BCO1: variants seen among roughly 807,000 people sequenced by gnomAD.
BCO1 encodes beta-carotene oxygenase 1, also known as beta,beta-carotene 15,15'-dioxygenase.
Under a neutral mutation model 56.3 loss-of-function variants are expected in BCO1, and 54 were observed. That is an observed-to-expected ratio of 0.96 (90% CI 0.77 to 1.20). The LOEUF (loss-of-function observed/expected upper bound fraction) is 1.20. Ranked by LOEUF, BCO1 falls within the 50% of genes most tolerant of loss-of-function variation. The pLI is 0.00. For synonymous variants in BCO1, 318 were observed against 266.1 expected, an observed-to-expected ratio of 1.20 and a Z score of -1.90; for missense variants, 801 against 690.9, an observed-to-expected ratio of 1.16 and a Z score of -1.79.
chr16:81,280,812 G>T, intron 7 of BCO1, 45 bp from the exon 8 acceptor site: 2 of 1,378,158 alleles, frequency 1.5e-6, no homozygotes, highest in South Asian at 1.2e-5. Flanking sequence ...GTTTGCTCTG[G>T]ATTACACGTT....
Position 81,277,065 on chromosome 16 carries a change from CA to C in BCO1, c.1102-3773del, listed in dbSNP as rs34671497. On this transcript the variant is annotated intron_variant, in intron 7 of 10. Coordinates refer to ENST00000258168, the MANE Select transcript of BCO1 (RefSeq NM_017429.3). ...TGGATGACAGAGTGAGACTCGGTCT[CA>C]AAAAAAAAAAAAAAAAAAGTAAAAT... Among the ~76,000 whole-genome samples the C allele has an allele frequency of 6.2e-3, 591 of 95,318 alleles. 11 individuals are homozygous for C. The highest frequency in any genetic ancestry group is 0.022 in the African/African-American group (512 of 23,746). The allele number at this position is 95,318 out of a possible 152,430, so 62.5% of individuals were successfully genotyped here.
rs756349704 is a variant in BCO1, at chr16:81,264,645, T to C, written c.477T>C (p.Asp159=). 6.2e-7 allele frequency: 1 copy of C among 1,614,088 alleles called. No individual in the cohort carries two copies. The highest frequency in any genetic ancestry group is 8.5e-7 in the Non-Finnish European group (1 of 1,179,942). ...GGAGGTGTCATATCTTGCAGGTTGA[T>C]TATCGTAAATACGTGGCGGTAAATC... The part of the protein sequence containing the change: ...PQTLETLEKV[D]YRKYVAVNLA... Residue 159 remains aspartate, a synonymous_variant, in exon 5 of 11, where the codon GAT becomes GAC. Transcript: ENST00000258168.
intron 3 of BCO1, 152 bp from the exon 4 acceptor site, chr16:81,261,984 C>CACCT (rs1906513598): frequency 2.3e-6 from 2 of 853,990 alleles, no homozygotes; most frequent in East Asian, 2.5e-5. Context: ...CCTCGTGATC[C>CACCT]ACCTGCCTCG....
At chr16:81,284,920 T>C (rs1908090420) in intron 8 of BCO1, among the ~76,000 whole-genome samples, 1 of 150,108 alleles carries the variant, frequency 6.7e-6, no homozygotes. Flanking sequence ...CACTGCAACC[T>C]CTGCCTCCTG....
chr16:81,290,537 G>C lies in BCO1; in HGVS notation c.1604G>C (p.Arg535Pro), dbSNP rs199758470. The C allele has an allele frequency of 4.8e-5, 77 of 1,613,916 alleles. No individual in the cohort carries two copies. The highest frequency in any genetic ancestry group is 6.3e-5 in the Non-Finnish European group (74 of 1,180,026). ...AAGCAGGCCGCTTCTGAGGAACAGCGGGACAGGGCTTCCGACTGCCACGGG... is the reference window on the plus strand; with the variant it reads ...AAGCAGGCCGCTTCTGAGGAACAGCCGGACAGGGCTTCCGACTGCCACGGG... ...TKKQAASEEQ[R>P]DRASDCHGAP... Residue 535 changes from arginine (R) to proline (P), a missense_variant, in exon 11 of 11, where the codon CGG becomes CCG. Arg to Pro is a moderately radical substitution (Grantham distance 103). Coordinates refer to ENST00000258168, the MANE Select transcript of BCO1 (RefSeq NM_017429.3).
chr16:81,263,612 T>C (rs1303647100), intron 4 of BCO1: 4 of 152,194 alleles, frequency 2.6e-5, no homozygotes, highest in African/African-American at 9.7e-5. Context: ...CACTGAGAAT[T>C]TGAATGAATG....
chr16:81,239,835 C>A (rs1019406720), intron 1 of BCO1, among the ~76,000 whole-genome samples: 2 of 152,088 alleles, frequency 1.3e-5, no homozygotes, highest in East Asian at 3.9e-4. Flanking sequence ...TTGCCACTTT[C>A]CTGGTACCAT....
intron 5 of BCO1, among the ~76,000 whole-genome samples, chr16:81,265,948 C>A (rs7498868): frequency 0.014 from 2,153 of 152,104 alleles, 42 homozygotes; most frequent in African/African-American, 0.049. Context: ...TATTCACTCA[C>A]CATCCTTCCA....
intron 2 of BCO1, among the ~76,000 whole-genome samples, chr16:81,249,717 C>T (rs9933827): frequency 0.44 from 66,335 of 151,704 alleles, 14,866 homozygotes; most frequent in Middle Eastern, 0.53. Context: ...GTTTTATTCA[C>T]AATCTGGCAT....
At chr16:81,281,041 A>G (rs1240896794) in intron 8 of BCO1, 79 bp downstream of exon 8, 2 of 1,036,386 alleles carry the variant, frequency 1.9e-6, no homozygotes, top group Non-Finnish European at 3.0e-6. Flanking sequence ...TTACATAATA[A>G]TTCCCTCCTG....
chr16:81,240,402 A>G (rs1292066538), intron 1 of BCO1, among the ~76,000 whole-genome samples: 1 of 151,732 alleles, frequency 6.6e-6, no homozygotes, highest in Non-Finnish European at 1.5e-5. Flanking sequence ...TACATATTTT[A>G]TTTTTTAAAA....
intron 7 of BCO1, among the ~76,000 whole-genome samples, chr16:81,271,567 G>A (rs1907221553): frequency 6.6e-6 from 1 of 152,006 alleles, no homozygotes; most frequent in African/African-American, 2.4e-5. Context: ...CCCTGCCCCA[G>A]GCAACCTGTC....
chr16:81,279,138 A>G (rs2150637097), intron 7 of BCO1, among the ~76,000 whole-genome samples: 1 of 152,076 alleles, frequency 6.6e-6, no homozygotes, highest in Middle Eastern at 3.4e-3. Flanking sequence ...TTAACCAAGG[A>G]TGGTGACGCA....
chr16:81,270,692 C>CTGTGTCTGTGTGTGTG (rs1907146417), intron 7 of BCO1, among the ~76,000 whole-genome samples: 1 of 143,694 alleles, frequency 7.0e-6, no homozygotes. Flanking sequence ...CTCTCTGTGT[C>CTGTGTCTGTGTGTGTG]TGTGTGTGTG....
intron 7 of BCO1, among the ~76,000 whole-genome samples, chr16:81,277,389 T>C (rs1432789078): frequency 6.6e-6 from 1 of 152,076 alleles, no homozygotes; most frequent in Admixed American, 6.6e-5. Flanking sequence ...TTTAGAATCA[T>C]CCCCAGGACT....
intron 10 of BCO1, among the ~76,000 whole-genome samples, chr16:81,289,499 G>T (rs1434476418): frequency 6.6e-6 from 1 of 152,138 alleles, no homozygotes; most frequent in Non-Finnish European, 1.5e-5. Context: ...AAATTAGCCA[G>T]ACGTGGTGTC....
At chr16:81,249,983 T>G (rs1021547915) in intron 2 of BCO1, among the ~76,000 whole-genome samples, 2 of 152,146 alleles carry the variant, frequency 1.3e-5, no homozygotes, top group Non-Finnish European at 2.9e-5. Flanking sequence ...GATGGTACAG[T>G]GAGGCAGTCA....
intron 2 of BCO1, among the ~76,000 whole-genome samples, chr16:81,254,670 C>T (rs1906020043): frequency 6.6e-6 from 1 of 152,098 alleles, no homozygotes; most frequent in Non-Finnish European, 1.5e-5. Context: ...TGGCAATGGA[C>T]ATGGAAACAC....
chr16:81,281,107 C>G (rs1456180196), intron 8 of BCO1, 145 bp downstream of exon 8: 2 of 683,416 alleles, frequency 2.9e-6, no homozygotes, highest in Non-Finnish European at 2.6e-6. Flanking sequence ...TGAAAAGCAT[C>G]TGGGGACATT....
Sources: gnomAD v4.1 joint callset for allele counts (sites outside exome capture counted in the v4.1 genomes callset) on GRCh38, gnomAD v4.1.1 for gene constraint, MANE v1.5 for transcripts, NCBI Gene and HGNC (gene_info 2026-07-23, HGNC 2026-07-21) for gene names.